Variants in SPECC1 observed in about 807,000 individuals in gnomAD.
SPECC1 encodes the protein cytospin-B.
A neutral mutation model predicts 104.1 loss-of-function variants in SPECC1; 62 were observed. The observed-to-expected ratio is 0.60, with a 90% CI of 0.49 to 0.74. The LOEUF is 0.74. Ranked by LOEUF, SPECC1 falls within the 30% of genes least tolerant of loss-of-function variation. The pLI is 0.00. For missense variants in SPECC1, 1,306 were observed against 1,310.5 expected, an observed-to-expected ratio of 1.00 and a Z score of 0.05; for synonymous variants, 513 against 501.6, an observed-to-expected ratio of 1.02 and a Z score of -0.30.
rs1567939776 is a variant in SPECC1 at position 20,205,868 on chromosome 17, A to G, written c.1819A>G (p.Lys607Glu). The change falls in exon 4 of 15, where the codon AAG (lysine) becomes GAG (glutamate). Residue 607 changes from lysine (K) to glutamate (E), a missense_variant. Lys to Glu is a moderately conservative substitution (Grantham distance 56, BLOSUM62 1). This residue lies in a region of SPECC1 where 1,177 missense variants were observed against 1,139.9 expected (regional missense o/e 1.03). Transcript: ENST00000395527. ...SCNELRQELL[K>E]ANGEIKHVSS... ...CAATGAGCTCAGACAAGAATTACTA[A>G]AGGCAAACGGTGAAATTAAACATGT... 1 of 1,613,866 alleles carries G rather than the reference A, an allele frequency of 6.2e-7. No homozygotes were observed. Among genetic ancestry groups the G allele is most frequent in the Non-Finnish European group, 8.5e-7 (1 of 1,179,994 alleles).
chr17:20,051,133 T>TTTCTTTCTTTCCTTCTTTCC (rs2045756650), intron 1 of SPECC1, among the ~76,000 whole-genome samples: 6 of 40,916 alleles, frequency 1.5e-4, no homozygotes, highest in Non-Finnish European at 2.7e-4. Flanking sequence ...TCTTTCTTTC[T>TTTCTTTCTTTCCTTCTTTCC]TTCTTTCCTT....
chr17:20,142,877 G>A (rs1345459572), intron 3 of SPECC1, among the ~76,000 whole-genome samples: 1 of 151,036 alleles, frequency 6.6e-6, no homozygotes, highest in Non-Finnish European at 1.5e-5. Context: ...GTGCGTGCCT[G>A]TAGTCACAGC....
chr17:20,228,464 A>G (rs2151464209), intron 5 of SPECC1, among the ~76,000 whole-genome samples: 1 of 152,320 alleles, frequency 6.6e-6, no homozygotes, highest in African/African-American at 2.4e-5. Context: ...TTTAGCTGTG[A>G]CTGTGAGAGT....
chr17:20,011,764 C>T (rs150872951), intron 1 of SPECC1, among the ~76,000 whole-genome samples: 175 of 150,206 alleles, frequency 1.2e-3, no homozygotes, highest in African/African-American at 4.1e-3. Context: ...TCTTTCATTC[C>T]ACTTACCTCA....
intron 3 of SPECC1, among the ~76,000 whole-genome samples, chr17:20,159,424 T>TC (rs1416418020): frequency 6.6e-6 from 1 of 152,240 alleles, no homozygotes; most frequent in East Asian, 1.9e-4. Flanking sequence ...CCACAGGACC[T>TC]CAGTTGCTTG....
At chr17:20,212,946 A>T (rs2037252325) in intron 4 of SPECC1, among the ~76,000 whole-genome samples, 1 of 152,138 alleles carries the variant, frequency 6.6e-6, no homozygotes, top group Admixed American at 6.5e-5. Context: ...CCATCATTTA[A>T]TCTTATTTAT....
intron 7 of SPECC1, chr17:20,239,373 T>A: frequency 1.4e-6 from 1 of 732,402 alleles, no homozygotes; most frequent in Non-Finnish European, 1.7e-6. Context: ...TACTCATGAA[T>A]ATGTATAGGG....
intron 1 of SPECC1, among the ~76,000 whole-genome samples, chr17:20,050,385 G>A (rs2045694940): frequency 1.3e-5 from 2 of 152,038 alleles, no homozygotes; most frequent in East Asian, 3.9e-4. Flanking sequence ...TCCTGTATAT[G>A]TTTGAACCTA....
chr17:20,199,966 C>T (rs1032627740), intron 3 of SPECC1, among the ~76,000 whole-genome samples: 7 of 151,842 alleles, frequency 4.6e-5, no homozygotes, highest in African/African-American at 1.7e-4. Context: ...CTAATTTTTG[C>T]ATTTTTAGTA....
intron 13 of SPECC1, among the ~76,000 whole-genome samples, chr17:20,298,011 T>G (rs2041412009): frequency 6.6e-6 from 1 of 152,048 alleles, no homozygotes; most frequent in Admixed American, 6.6e-5. Context: ...TGAGACAGAG[T>G]GACGGGGATC....
At chr17:20,163,840 G>A (rs1390265230) in intron 3 of SPECC1, among the ~76,000 whole-genome samples, 1 of 151,946 alleles carries the variant, frequency 6.6e-6, no homozygotes, top group African/African-American at 2.4e-5. Context: ...AGATTTTATA[G>A]GTGTGAGCCA....
At chr17:20,216,904 T>C (rs2037526904) in intron 4 of SPECC1, among the ~76,000 whole-genome samples, 1 of 152,076 alleles carries the variant, frequency 6.6e-6, no homozygotes, top group East Asian at 1.9e-4. Flanking sequence ...GGTCTCCCTG[T>C]AGTTCCAGCT....
chr17:20,155,972 G>T (rs980931884), intron 3 of SPECC1: 1 of 1,263,326 alleles, frequency 7.9e-7, no homozygotes, highest in South Asian at 2.7e-5. Flanking sequence ...AAGGGGGCGG[G>T]CCGCGAGGGC....
intron 1 of SPECC1, among the ~76,000 whole-genome samples, chr17:20,045,007 C>T (rs1278979913): frequency 6.6e-6 from 1 of 152,200 alleles, no homozygotes; most frequent in Non-Finnish European, 1.5e-5. Flanking sequence ...TAAAGAAATG[C>T]TTTATTTCCT....
chr17:20,215,186 T>C (rs2703815), intron 4 of SPECC1, among the ~76,000 whole-genome samples: 107,829 of 152,106 alleles, frequency 0.71, 40,018 homozygotes, highest in East Asian at 0.99. Flanking sequence ...GCTGTAGAAA[T>C]ATGTCTAGAC....
chr17:20,031,663 T>C (rs2044819072), intron 1 of SPECC1, among the ~76,000 whole-genome samples: 1 of 152,234 alleles, frequency 6.6e-6, no homozygotes, highest in African/African-American at 2.4e-5. Context: ...AACTCCACGT[T>C]ACTCCCTCCC....
Position 20,317,665 on chromosome 17 carries a change from G to T in SPECC1, c.*3600G>T, listed in dbSNP as rs775550554. ...CACTTGAGCCCAGGAGTTTGAGGCT[G>T]CAGTAAGCTGTGTTTGTGCCACTGC... is the stretch of plus-strand genomic sequence containing the variant. On this transcript the variant is annotated 3_prime_UTR_variant, in exon 15 of 15. Coordinates refer to ENST00000395527, the MANE Select transcript of SPECC1 (RefSeq NM_001243439.2). 2.0e-5 allele frequency: 4 copies of T among 202,038 alleles called. No homozygotes were observed. Among genetic ancestry groups the T allele is most frequent in the Non-Finnish European group, 4.1e-5 (4 of 98,452 alleles). 12.5% of individuals were successfully genotyped at this position (202,038 alleles called of 1,614,324 possible).
intron 1 of SPECC1, among the ~76,000 whole-genome samples, chr17:20,046,604 A>G (rs1192922169): frequency 6.6e-6 from 1 of 152,198 alleles, no homozygotes; most frequent in Non-Finnish European, 1.5e-5. Context: ...TTGTAAGAAT[A>G]AAAGTGGAAT....
intron 1 of SPECC1, among the ~76,000 whole-genome samples, chr17:20,093,459 G>A (rs2047493124): frequency 6.6e-6 from 1 of 152,204 alleles, no homozygotes; most frequent in Admixed American, 6.5e-5. Context: ...AGAGCATTTA[G>A]CAGTGCTTTG....
Sources: gnomAD v4.1 joint callset for allele counts (sites outside exome capture counted in the v4.1 genomes callset) on GRCh38, gnomAD v4.1.1 for gene constraint, gnomAD v4.1.1 regional missense constraint, MANE v1.5 for transcripts, NCBI Gene and HGNC (gene_info 2026-07-23, HGNC 2026-07-21) for gene names.